Variants in TJP1 observed in about 807,000 individuals in gnomAD.
TJP1 encodes tight junction protein ZO-1.
TJP1 carries 43 observed loss-of-function variants against 194.2 expected under a neutral mutation model. The ratio of observed to expected loss-of-function variants is 0.22; its 90% confidence interval spans 0.17 to 0.29. The LOEUF (loss-of-function observed/expected upper bound fraction) is 0.29. Among genes scored for constraint, TJP1 ranks in the 10% least tolerant of loss-of-function variants. The pLI, the probability that TJP1 is intolerant of heterozygous loss-of-function variation, is 1.00. For missense variants in TJP1, 1,971 were observed against 2,185.7 expected, an observed-to-expected ratio of 0.90 and a Z score of 1.96; for synonymous variants, 801 against 779.0, an observed-to-expected ratio of 1.03 and a Z score of -0.47.
At chr15:29,722,674 T>C (rs1253507745) in intron 18 of TJP1, among the ~76,000 whole-genome samples, 1 of 152,160 alleles carries the variant, frequency 6.6e-6, no homozygotes, top group African/African-American at 2.4e-5. Context: ...AAGAGGCCCA[T>C]TGTCCTCCAG....
chr15:29,917,933 G>C (rs1228429338), intron 2 of TJP1, among the ~76,000 whole-genome samples: 1 of 152,074 alleles, frequency 6.6e-6, no homozygotes, highest in Non-Finnish European at 1.5e-5. Context: ...ATCCATCTCT[G>C]GGACTTTTTC....
intron 2 of TJP1, among the ~76,000 whole-genome samples, chr15:29,781,539 T>G (rs1405802052): frequency 6.6e-6 from 1 of 152,150 alleles, no homozygotes; most frequent in Non-Finnish European, 1.5e-5. Flanking sequence ...AAATTATCTT[T>G]GATACACATT....
intron 2 of TJP1, among the ~76,000 whole-genome samples, chr15:29,830,673 C>A (rs1335854145): frequency 6.6e-6 from 1 of 151,746 alleles, no homozygotes; most frequent in Non-Finnish European, 1.5e-5. Context: ...AGTTGAAAAA[C>A]TCAGCATTAA....
chr15:29,740,478 A>T lies in TJP1; in HGVS notation c.1256+853T>A, dbSNP rs375816129. On this transcript the variant is annotated intron_variant, in intron 10 of 27. Transcript: ENST00000614355. Reference sequence around the variant, plus strand: ...AAACCCCGTCTCTACTAAAAATACAAAAATTAGCTAGGTGTGGTGGTGTGT... The same window carrying T: ...AAACCCCGTCTCTACTAAAAATACATAAATTAGCTAGGTGTGGTGGTGTGT... 2.0e-5 allele frequency among the ~76,000 whole-genome samples: 3 copies of T among 152,100 alleles called. No homozygotes were observed. The East Asian group carries it at 5.8e-4, about 30-fold the overall frequency.
chr15:29,787,283 C>T (rs186466512), intron 2 of TJP1, among the ~76,000 whole-genome samples: 25 of 152,126 alleles, frequency 1.6e-4, no homozygotes, highest in African/African-American at 5.8e-4. Flanking sequence ...CTCACAACAT[C>T]TACAAAAATT....
intron 2 of TJP1, among the ~76,000 whole-genome samples, chr15:29,908,047 GC>G (rs2053876990): frequency 3.3e-4 from 1 of 3,038 alleles, no homozygotes; most frequent in Admixed American, 4.4e-3. Flanking sequence ...ACCTTATAAA[GC>G]AAAAAAAAAA....
chr15:29,798,012 T>C (rs536650047), intron 2 of TJP1, among the ~76,000 whole-genome samples: 2 of 152,316 alleles, frequency 1.3e-5, no homozygotes, highest in South Asian at 4.1e-4. Flanking sequence ...CTTGCTCTGT[T>C]GCCCAGGATG....
intron 15 of TJP1, chr15:29,728,717 G>C (rs889416895): frequency 2.0e-5 from 3 of 152,240 alleles, no homozygotes; most frequent in African/African-American, 7.2e-5. Flanking sequence ...GAAAGGAAAG[G>C]AAGAGCTTTG....
chr15:29,704,338 T>C (rs1595542976), intron 26 of TJP1, 33 bp from the exon 27 acceptor site: 1 of 1,556,902 alleles, frequency 6.4e-7, no homozygotes, highest in South Asian at 1.2e-5. Flanking sequence ...GCAGAGAGGA[T>C]GGATGTGGTC....
chr15:29,910,703 T>C (rs565569904), intron 2 of TJP1, among the ~76,000 whole-genome samples: 1 of 152,338 alleles, frequency 6.6e-6, no homozygotes, highest in African/African-American at 2.4e-5. Context: ...TTGATATGCA[T>C]AATGACTAAC....
intron 2 of TJP1, among the ~76,000 whole-genome samples, chr15:29,950,987 G>A (rs942980767): frequency 6.6e-6 from 1 of 152,194 alleles, no homozygotes; most frequent in Non-Finnish European, 1.5e-5. Flanking sequence ...GCCTAGAACA[G>A]TGCGTGGCAT....
At chr15:29,931,172 A>T (rs1000482165) in intron 2 of TJP1, among the ~76,000 whole-genome samples, 10 of 152,162 alleles carry the variant, frequency 6.6e-5, no homozygotes, top group Admixed American at 6.5e-4. Flanking sequence ...TAGAAGAGAA[A>T]ATATAGTTAC....
intron 23 of TJP1, among the ~76,000 whole-genome samples, chr15:29,712,419 T>C (rs913768271): frequency 3.3e-5 from 5 of 152,172 alleles, no homozygotes; most frequent in African/African-American, 1.2e-4. Context: ...ATCTAGGTGA[T>C]GGCAAAGCAA....
At chr15:29,890,801 TA>T (rs11292309) in intron 2 of TJP1, among the ~76,000 whole-genome samples, 13,621 of 148,242 alleles carry the variant, frequency 0.092, 654 homozygotes, top group South Asian at 0.14. Context: ...CATCTACTGT[TA>T]AAAAAAAAAA....
At chr15:29,898,668 G>C (rs1461339060) in intron 2 of TJP1, among the ~76,000 whole-genome samples, 4 of 152,210 alleles carry the variant, frequency 2.6e-5, no homozygotes, top group Non-Finnish European at 4.4e-5. Flanking sequence ...AACTTTCTGA[G>C]TGCCAACATG....
At chr15:29,896,485 G>A (rs1162753519) in intron 2 of TJP1, among the ~76,000 whole-genome samples, 3 of 152,108 alleles carry the variant, frequency 2.0e-5, no homozygotes, top group Non-Finnish European at 2.9e-5. Flanking sequence ...GAAAATGGAC[G>A]AATACAGTAA....
At chr15:29,843,257 C>T (rs189164260) in intron 2 of TJP1, among the ~76,000 whole-genome samples, 4 of 151,384 alleles carry the variant, frequency 2.6e-5, no homozygotes, top group African/African-American at 9.7e-5. Flanking sequence ...GGCGCAATCT[C>T]GGCTCACTGC....
At chr15:29,874,037 G>A (rs1358035375) in intron 2 of TJP1, among the ~76,000 whole-genome samples, 1 of 152,084 alleles carries the variant, frequency 6.6e-6, no homozygotes. Context: ...TCCTCCTCTC[G>A]CCTGAAATGT....
At chr15:29,851,453 A>C (rs2051638633) in intron 2 of TJP1, among the ~76,000 whole-genome samples, 1 of 152,136 alleles carries the variant, frequency 6.6e-6, no homozygotes, top group Non-Finnish European at 1.5e-5. Flanking sequence ...CCCTATTACC[A>C]ATTTAAAAAA....
Sources: gnomAD v4.1 joint callset for allele counts (sites outside exome capture counted in the v4.1 genomes callset) on GRCh38, gnomAD v4.1.1 for gene constraint, MANE v1.5 for transcripts, NCBI Gene and HGNC (gene_info 2026-07-23, HGNC 2026-07-21) for gene names.